Variants in ROBO2 observed in about 807,000 individuals in gnomAD.
The protein encoded by ROBO2 is roundabout homolog 2.
A neutral mutation model predicts 160.8 loss-of-function variants in ROBO2; 53 were observed. That is an observed-to-expected ratio of 0.33 (90% CI 0.26 to 0.41). The LOEUF (loss-of-function observed/expected upper bound fraction) is 0.41. Among genes scored for constraint, ROBO2 ranks in the 10% least tolerant of loss-of-function variants. The pLI is 1.00. For synonymous variants in ROBO2, 664 were observed against 611.7 expected (o/e 1.09, Z -1.26); for missense variants, 1,577 against 1,722.4 (o/e 0.92, Z 1.49).
chr3:76,657,520 A>T (rs935211811), intron 2 of ROBO2, among the ~76,000 whole-genome samples: 3 of 150,708 alleles, frequency 2.0e-5, no homozygotes, highest in African/African-American at 7.3e-5. Flanking sequence ...CCAAGACAGG[A>T]TAATCCCTCG....
intron 2 of ROBO2, among the ~76,000 whole-genome samples, chr3:76,997,148 T>C (rs73841791): frequency 2.6e-5 from 4 of 152,148 alleles, no homozygotes; most frequent in Non-Finnish European, 4.4e-5. Context: ...TAGTATTAAA[T>C]AGAAATAATT....
intron 2 of ROBO2, among the ~76,000 whole-genome samples, chr3:77,105,779 A>C (rs1311679223): frequency 6.6e-6 from 1 of 152,186 alleles, no homozygotes; most frequent in African/African-American, 2.4e-5. Flanking sequence ...CCAGGAAAGC[A>C]CATAAATGAA....
intron 2 of ROBO2, among the ~76,000 whole-genome samples, chr3:76,915,689 A>ATT (rs1559697292): frequency 1.1e-4 from 16 of 146,482 alleles, no homozygotes; most frequent in African/African-American, 4.1e-4. Context: ...AAAAAAAAAG[A>ATT]AAAAAAAAGA....
At chr3:76,555,193 T>C (rs552862508) in intron 2 of ROBO2, among the ~76,000 whole-genome samples, 4 of 151,848 alleles carry the variant, frequency 2.6e-5, no homozygotes, top group South Asian at 4.2e-4. Context: ...GAGAGGAAAA[T>C]AGGATAGGAT....
chr3:76,503,893 A>C (rs932732839), intron 2 of ROBO2, among the ~76,000 whole-genome samples: 4 of 152,216 alleles, frequency 2.6e-5, no homozygotes, highest in Admixed American at 2.6e-4. Flanking sequence ...TTTGGCTTTC[A>C]AATAATTCAC....
At chr3:76,816,110 T>C (rs1446771735) in intron 2 of ROBO2, among the ~76,000 whole-genome samples, 5 of 152,066 alleles carry the variant, frequency 3.3e-5, no homozygotes, top group African/African-American at 1.2e-4. Context: ...ATATGTGTTA[T>C]CCTCTTCGCT....
At chr3:75,928,806 A>G (rs753209969) in intron 1 of ROBO2, among the ~76,000 whole-genome samples, 20 of 149,520 alleles carry the variant, frequency 1.3e-4, no homozygotes, top group Non-Finnish European at 2.4e-4. Context: ...TGATTATACA[A>G]TGATCTGTGT....
chr3:77,291,423 G>A (rs1319258674), intron 2 of ROBO2, among the ~76,000 whole-genome samples: 4 of 151,898 alleles, frequency 2.6e-5, no homozygotes, highest in African/African-American at 9.7e-5. Context: ...AAACGGGTAA[G>A]CTGAGGCTAG....
chr3:77,324,615 TA>T (rs1291061509), intron 2 of ROBO2, among the ~76,000 whole-genome samples: 2 of 150,830 alleles, frequency 1.3e-5, no homozygotes, highest in Non-Finnish European at 2.9e-5. Context: ...CCATCTCTAC[TA>T]AAAATACAAA....
chr3:76,642,865 G>A (rs1460281091), intron 2 of ROBO2, among the ~76,000 whole-genome samples: 1 of 152,066 alleles, frequency 6.6e-6, no homozygotes, highest in Non-Finnish European at 1.5e-5. Flanking sequence ...ATTCAAAAAT[G>A]AAAATGCGTC....
intron 2 of ROBO2, among the ~76,000 whole-genome samples, chr3:76,594,068 T>C (rs2086591003): frequency 1.3e-5 from 2 of 152,050 alleles, no homozygotes; most frequent in South Asian, 2.1e-4. Flanking sequence ...AGCAGTATCA[T>C]AGTTTAATTT....
At chr3:76,464,566 T>C in intron 2 of ROBO2, among the ~76,000 whole-genome samples, 1 of 151,682 alleles carries the variant, frequency 6.6e-6, no homozygotes, top group East Asian at 1.9e-4. Context: ...CTCAATGGTG[T>C]ATTAGACTAA....
chr3:77,128,838 A>G (rs1013854534), intron 2 of ROBO2, among the ~76,000 whole-genome samples: 1 of 152,228 alleles, frequency 6.6e-6, no homozygotes, highest in Non-Finnish European at 1.5e-5. Context: ...TTCATACAGT[A>G]GAATTACCAG....
At chr3:75,941,651 A>ATTTTTTTTT (rs1948060045) in intron 2 of ROBO2, among the ~76,000 whole-genome samples, 2 of 152,160 alleles carry the variant, frequency 1.3e-5, no homozygotes, top group Non-Finnish European at 2.9e-5. Context: ...TTTAACTTCC[A>ATTTTTTTTT]TTTTTATGAC....
intron 24 of ROBO2, among the ~76,000 whole-genome samples, chr3:77,640,238 A>T (rs367965899): frequency 6.7e-6 from 1 of 150,092 alleles, no homozygotes; most frequent in South Asian, 2.1e-4. Flanking sequence ...CAGCCTCCCG[A>T]GTAGCTGGGA....
intron 2 of ROBO2, among the ~76,000 whole-genome samples, chr3:76,725,065 A>G (rs562259279): frequency 2.6e-5 from 4 of 152,146 alleles, no homozygotes; most frequent in Non-Finnish European, 4.4e-5. Context: ...AGTAATACTG[A>G]TTTCAGACTT....
At chr3:77,018,058 T>C (rs2062393230) in intron 2 of ROBO2, among the ~76,000 whole-genome samples, 1 of 150,420 alleles carries the variant, frequency 6.6e-6, no homozygotes, top group Non-Finnish European at 1.5e-5. Context: ...CATGATGTGT[T>C]TAGTAAGACA....
chr3:76,968,645 G>A lies in ROBO2; in HGVS notation c.110-129369G>A, dbSNP rs566587591. ...TTTTATTTCTTGTTCTACTAGCTTC[G>A]TGAAGGTTAAATCTTGAATATTTTG... On this transcript the variant is annotated intron_variant, in intron 2 of 26. Coordinates refer to the ROBO2 transcript ENST00000487694. Among the ~76,000 whole-genome samples, 19 of 152,138 alleles carry A rather than the reference G, an allele frequency of 1.2e-4. No homozygotes were observed. In the South Asian group the frequency reaches 3.5e-3, roughly 28 times the overall value.
At chr3:76,133,784 G>A (rs903586361) in intron 2 of ROBO2, among the ~76,000 whole-genome samples, 2 of 152,104 alleles carry the variant, frequency 1.3e-5, no homozygotes, top group Non-Finnish European at 2.9e-5. Flanking sequence ...TCTTCTATCT[G>A]CTTTTATTCT....
Sources: gnomAD v4.1 joint callset for allele counts (sites outside exome capture counted in the v4.1 genomes callset) on GRCh38, gnomAD v4.1.1 for gene constraint, MANE v1.5 for transcripts, NCBI Gene and HGNC (gene_info 2026-07-23, HGNC 2026-07-21) for gene names.